The following ARHGAP44 variants were observed in gnomAD, a reference collection of about 807,000 sequenced individuals.
ARHGAP44 encodes the protein Rho GTPase activating protein 44.
In ARHGAP44, 43 loss-of-function variants were observed where a neutral mutation model predicts 106.8. The observed-to-expected ratio is 0.40, with a 90% CI of 0.32 to 0.52. The LOEUF (loss-of-function observed/expected upper bound fraction) is 0.52. ARHGAP44 is among the 20% of genes least tolerant of loss of function. ARHGAP44 has a pLI of 0.48. For missense variants in ARHGAP44, 866 were observed against 1,050.5 expected (o/e 0.82, Z 2.43); for synonymous variants, 439 against 410.3 (o/e 1.07, Z -0.85).
chr17:12,802,956 TA>T (rs1567621345), intron 1 of ARHGAP44, among the ~76,000 whole-genome samples: 17 of 25,850 alleles, frequency 6.6e-4, no homozygotes, highest in African/African-American at 1.7e-3. Flanking sequence ...TATATATATA[TA>T]TATATATATA....
At chr17:12,953,975 C>A (rs1000517513) in intron 13 of ARHGAP44, among the ~76,000 whole-genome samples, 4 of 152,126 alleles carry the variant, frequency 2.6e-5, no homozygotes, top group African/African-American at 9.7e-5. Flanking sequence ...CAACCCCCAC[C>A]ACCTGGGATT....
chr17:12,891,095 G>C (rs2037031505), intron 1 of ARHGAP44, among the ~76,000 whole-genome samples: 1 of 152,130 alleles, frequency 6.6e-6, no homozygotes, highest in Non-Finnish European at 1.5e-5. Context: ...TAACCTCTAA[G>C]AAGTTTTACC....
chr17:12,828,640 T>TTC (rs1384614994), intron 1 of ARHGAP44, among the ~76,000 whole-genome samples: 2 of 140,876 alleles, frequency 1.4e-5, no homozygotes, highest in Non-Finnish European at 3.0e-5. Context: ...TTCTTTCTTT[T>TTC]TTTTTTTTTT....
chr17:12,809,836 G>A (rs1210446832), intron 1 of ARHGAP44, among the ~76,000 whole-genome samples: 1 of 152,236 alleles, frequency 6.6e-6, no homozygotes, highest in African/African-American at 2.4e-5. Context: ...GAACTTGCGG[G>A]AGCAGTGGGA....
chr17:12,842,047 T>C (rs1597921530), intron 1 of ARHGAP44, among the ~76,000 whole-genome samples: 1 of 151,994 alleles, frequency 6.6e-6, no homozygotes, highest in African/African-American at 2.4e-5. Context: ...AGCAGTGTTA[T>C]GCAGCCATGA....
intron 16 of ARHGAP44, among the ~76,000 whole-genome samples, chr17:12,971,060 C>T (rs2039516600): frequency 6.6e-6 from 1 of 152,180 alleles, no homozygotes; most frequent in African/African-American, 2.4e-5. Context: ...ATGTGATGCT[C>T]CCTCTTATGA....
chr17:12,976,502 A>G (rs2039686160), intron 18 of ARHGAP44, among the ~76,000 whole-genome samples: 1 of 150,826 alleles, frequency 6.6e-6, no homozygotes, highest in African/African-American at 2.4e-5. Context: ...AGTCCCAGCT[A>G]CTCAGGAGGC....
At chr17:12,885,760 A>G (rs911178334) in intron 1 of ARHGAP44, among the ~76,000 whole-genome samples, 5 of 152,094 alleles carry the variant, frequency 3.3e-5, no homozygotes, top group Non-Finnish European at 7.4e-5. Flanking sequence ...TCTGTATACA[A>G]TTCTTATATA....
At chr17:12,830,132 G>A (rs1171315393) in intron 1 of ARHGAP44, among the ~76,000 whole-genome samples, 1 of 152,168 alleles carries the variant, frequency 6.6e-6, no homozygotes, top group Non-Finnish European at 1.5e-5. Context: ...GGGGATTGAA[G>A]CCTTTTTAGT....
chr17:12,885,617 T>C (rs73978268), intron 1 of ARHGAP44, among the ~76,000 whole-genome samples: 8,832 of 152,198 alleles, frequency 0.058, 834 homozygotes, highest in African/African-American at 0.2. Flanking sequence ...TAAGGGCTAA[T>C]AATGTTGAAC....
At chr17:12,987,204 T>TAGCGG in intron 20 of ARHGAP44, 1 of 1,468,490 alleles carries the variant, frequency 6.8e-7, no homozygotes, top group Non-Finnish European at 9.1e-7. Flanking sequence ...CCAGGCCAGC[T>TAGCGG]GCCCGCTCCT....
intron 20 of ARHGAP44, chr17:12,987,739 T>C (rs2039995861): frequency 6.6e-6 from 1 of 152,200 alleles, no homozygotes; most frequent in Admixed American, 6.5e-5. Flanking sequence ...TCCTAAAGAA[T>C]CCATATCGGA....
chr17:12,809,369 AGGTTT>A (rs2034371845), intron 1 of ARHGAP44, among the ~76,000 whole-genome samples: 2 of 152,352 alleles, frequency 1.3e-5, no homozygotes, highest in East Asian at 3.9e-4. Context: ...CAAAGGAAAG[AGGTTT>A]AATTGACTCA....
chr17:12,909,630 C>T (rs923857578), intron 4 of ARHGAP44, among the ~76,000 whole-genome samples: 8 of 151,820 alleles, frequency 5.3e-5, no homozygotes, highest in Admixed American at 2.0e-4. Flanking sequence ...GATGTAGAGC[C>T]GCCACCCAGA....
At chr17:12,859,127 A>G (rs1293869547) in intron 1 of ARHGAP44, among the ~76,000 whole-genome samples, 2 of 152,216 alleles carry the variant, frequency 1.3e-5, no homozygotes, top group African/African-American at 2.4e-5. Flanking sequence ...GGATCCTTAT[A>G]AAAATGGGAT....
chr17:12,879,516 T>A (rs1427425076), intron 1 of ARHGAP44, among the ~76,000 whole-genome samples: 1 of 152,154 alleles, frequency 6.6e-6, no homozygotes, highest in Non-Finnish European at 1.5e-5. Context: ...GATTTTAATT[T>A]GCATGTAGTT....
chr17:12,952,153 A>T (rs144478132), intron 12 of ARHGAP44, among the ~76,000 whole-genome samples: 1 of 152,330 alleles, frequency 6.6e-6, no homozygotes, highest in African/African-American at 2.4e-5. Context: ...CGCTGGAGTC[A>T]TGCAGAATAC....
At chr17:12,976,290 TTTTTG>T (rs2039679707) in intron 18 of ARHGAP44, among the ~76,000 whole-genome samples, 1 of 151,942 alleles carries the variant, frequency 6.6e-6, no homozygotes, top group African/African-American at 2.4e-5. Flanking sequence ...CTTCCAGGCT[TTTTTG>T]TTTTATTTTG....
At chr17:12,829,820 A>T (rs898933783) in intron 1 of ARHGAP44, among the ~76,000 whole-genome samples, 1 of 152,118 alleles carries the variant, frequency 6.6e-6, no homozygotes, top group African/African-American at 2.4e-5. Flanking sequence ...CCCCACATTC[A>T]TGATCCAACC....
Sources: allele counts gnomAD v4.1 joint callset (sites outside exome capture counted in the v4.1 genomes callset), GRCh38; gene constraint gnomAD v4.1.1; transcripts MANE v1.5; gene names NCBI Gene and HGNC (gene_info 2026-07-23, HGNC 2026-07-21).